The following DNAI1 variants were observed in gnomAD, a reference collection of about 807,000 sequenced individuals.
DNAI1 encodes dynein, axonemal, intermediate polypeptide 1.
In DNAI1, 67 loss-of-function variants were observed where a neutral mutation model predicts 92.0. The observed-to-expected ratio is 0.73, with a 90% CI of 0.60 to 0.89. The LOEUF is 0.89. DNAI1 is among the 40% of genes least tolerant of loss of function. The pLI is 0.00. For synonymous variants in DNAI1, 323 were observed against 319.6 expected, an observed-to-expected ratio of 1.01 and a Z score of -0.11; for missense variants, 839 against 866.6, an observed-to-expected ratio of 0.97 and a Z score of 0.40.
At chr9:34,492,655 G>C (rs984495204) in intron 8 of DNAI1, among the ~76,000 whole-genome samples, 1 of 151,004 alleles carries the variant, frequency 6.6e-6, no homozygotes, top group African/African-American at 2.4e-5. Context: ...GAGTAGCTGG[G>C]ACTACAGGGG....
intron 2 of DNAI1, among the ~76,000 whole-genome samples, chr9:34,484,457 ATTCGTTTTGGTTGTTT>A (rs1265315184): frequency 2.6e-5 from 4 of 152,192 alleles, no homozygotes; most frequent in Admixed American, 6.5e-5. Flanking sequence ...AATGCTGGAT[ATTCGTTTTGGTTGTTT>A]TATAGTTTGC....
At chr9:34,459,167 TCA>T in intron 1 of DNAI1, 114 bp downstream of exon 1, 1 of 1,042,948 alleles carries the variant, frequency 9.6e-7, no homozygotes, top group South Asian at 1.3e-5. Flanking sequence ...CCCAGCCTTC[TCA>T]CCCCCGTGAC....
At chr9:34,481,850 G>C (rs1824363704) in intron 1 of DNAI1, among the ~76,000 whole-genome samples, 1 of 152,222 alleles carries the variant, frequency 6.6e-6, no homozygotes, top group African/African-American at 2.4e-5. Context: ...GTGAGCAGTA[G>C]CAAGATTTAT....
intron 1 of DNAI1, among the ~76,000 whole-genome samples, chr9:34,477,924 C>CTTTTTTTTTT (rs74180566): frequency 2.0e-5 from 1 of 49,008 alleles, no homozygotes; most frequent in Non-Finnish European, 4.0e-5. Context: ...CTCTCTCTCT[C>CTTTTTTTTTT]TTTTTTTTTT....
rs1351448161 is a variant in DNAI1 at position 34,506,871 on chromosome 9, G to T, written c.1308G>T (p.Trp436Cys). The change falls in exon 13 of 20, where the codon TGG becomes TGT. Residue 436 changes from tryptophan (W) to cysteine (C), a missense_variant. Coordinates refer to ENST00000242317, the MANE Select transcript of DNAI1 (RefSeq NM_012144.4). ...AKSGKHSDPV[W>C]QVKWQKDDMD... ...CTGGCAAGCACTCAGACCCTGTGTG[G>T]CAGGTCAGCAACCAGGCTGGGAGGG... The T allele has an allele frequency of 6.2e-7, 1 of 1,613,692 alleles. No homozygotes were observed. Among genetic ancestry groups the T allele is most frequent in the African/African-American group, 1.3e-5 (1 of 74,924 alleles).
At position 34,463,794 on chromosome 9, in the gene DNAI1, A is replaced by G. The variant is rs145182551; in HGVS notation, c.48+4741A>G. 2.6e-5 allele frequency among the ~76,000 whole-genome samples: 4 copies of G among 152,284 alleles called. No homozygotes were observed. In the East Asian group the frequency reaches 7.7e-4, roughly 29 times the overall value. ...CTCCTATGGTGCAATACTTTTAGAA[A>G]TATTGATCTAGATTAGGGGTGACTA... On this transcript the variant is annotated intron_variant, in intron 1 of 19. Coordinates refer to ENST00000242317, the MANE Select transcript of DNAI1 (RefSeq NM_012144.4).
At chr9:34,485,317 T>C (rs1486740125) in intron 3 of DNAI1, 77 bp downstream of exon 3, 11 of 1,601,808 alleles carry the variant, frequency 6.9e-6, no homozygotes, top group Non-Finnish European at 9.4e-6. Flanking sequence ...AGTACATGAT[T>C]AGGAGCTTGC....
chr9:34,485,820 A>G (rs1331224805), intron 4 of DNAI1, among the ~76,000 whole-genome samples: 2 of 152,204 alleles, frequency 1.3e-5, no homozygotes, highest in Non-Finnish European at 2.9e-5. Flanking sequence ...CACATTTTTC[A>G]CTAACATAAA....
chr9:34,513,328 G>C, intron 16 of DNAI1, 137 bp downstream of exon 16: 1 of 738,386 alleles, frequency 1.4e-6, no homozygotes, highest in Admixed American at 2.0e-5. Context: ...GGAAGAGAAT[G>C]TATTTCTTGA....
At chr9:34,460,684 C>T (rs1030716307) in intron 1 of DNAI1, among the ~76,000 whole-genome samples, 6 of 152,026 alleles carry the variant, frequency 3.9e-5, no homozygotes, top group African/African-American at 1.2e-4. Context: ...ATTTTTGAGA[C>T]GGAGTTTCAC....
intron 8 of DNAI1, among the ~76,000 whole-genome samples, chr9:34,492,608 C>T (rs1824632504): frequency 6.7e-6 from 1 of 148,248 alleles, no homozygotes; most frequent in South Asian, 2.1e-4. Flanking sequence ...CAACTTCTGC[C>T]TCCTGGGCTC....
intron 13 of DNAI1, 139 bp from the exon 14 acceptor site, chr9:34,511,970 A>G: frequency 1.3e-6 from 1 of 765,476 alleles, no homozygotes; most frequent in East Asian, 2.5e-5. Context: ...AGAAAGGACC[A>G]ATCATGGGAT....
chr9:34,478,865 T>C (rs1387155493), intron 1 of DNAI1: 1 of 152,240 alleles, frequency 6.6e-6, no homozygotes, highest in African/African-American at 2.4e-5. Context: ...ACTATTCCCT[T>C]CTGTAGACCA....
chr9:34,482,877 C>T (rs963625680), intron 1 of DNAI1, among the ~76,000 whole-genome samples: 1 of 152,254 alleles, frequency 6.6e-6, no homozygotes, highest in African/African-American at 2.4e-5. Flanking sequence ...GAGGCTCAGG[C>T]ATGGCGGGCT....
At chr9:34,492,524 A>T (rs1421996651) in intron 8 of DNAI1, among the ~76,000 whole-genome samples, 1 of 93,916 alleles carries the variant, frequency 1.1e-5, no homozygotes, top group Non-Finnish European at 2.2e-5. Flanking sequence ...ATATATATAT[A>T]TATATATATA....
intron 11 of DNAI1, 51 bp downstream of exon 11, chr9:34,500,890 C>G (rs1824818804): frequency 7.1e-7 from 1 of 1,408,838 alleles, no homozygotes; most frequent in Non-Finnish European, 1.0e-6. Flanking sequence ...CCCTCTACAT[C>G]CCAAACCCCC....
At chr9:34,462,868 T>C (rs1015983806) in intron 1 of DNAI1, among the ~76,000 whole-genome samples, 11 of 152,268 alleles carry the variant, frequency 7.2e-5, no homozygotes, top group Admixed American at 2.0e-4. Context: ...TGTTAGGTAC[T>C]GTTCTAGGTA....
At chr9:34,491,619 C>T (rs1824596535) in intron 8 of DNAI1, 65 bp downstream of exon 8, 1 of 1,565,766 alleles carries the variant, frequency 6.4e-7, no homozygotes, top group Non-Finnish European at 8.8e-7. Context: ...CCTCATTTAG[C>T]AGCAAAGGCA....
chr9:34,495,999 T>C (rs1824715152), intron 9 of DNAI1, among the ~76,000 whole-genome samples: 1 of 152,128 alleles, frequency 6.6e-6, no homozygotes, highest in Non-Finnish European at 1.5e-5. Flanking sequence ...CAGAAGTGAC[T>C]TCATAACCCT....
Sources: gnomAD v4.1 joint callset for allele counts (sites outside exome capture counted in the v4.1 genomes callset) on GRCh38, gnomAD v4.1.1 for gene constraint, MANE v1.5 for transcripts, NCBI Gene and HGNC (gene_info 2026-07-23, HGNC 2026-07-21) for gene names.